KIRREL3: variants seen among roughly 807,000 people sequenced by gnomAD.
KIRREL3 encodes kirre like nephrin family adhesion molecule 3.
In KIRREL3, 36 loss-of-function variants were observed where a neutral mutation model predicts 89.7. That is an observed-to-expected ratio of 0.40 (90% CI 0.31 to 0.53). The LOEUF is 0.53. Among genes scored for constraint, KIRREL3 ranks in the 20% least tolerant of loss-of-function variants. KIRREL3 has a pLI of 0.49. For synonymous variants in KIRREL3, 445 were observed against 441.4 expected (o/e 1.01, Z -0.10); for missense variants, 864 against 1,056.6 (o/e 0.82, Z 2.53).
intron 1 of KIRREL3, among the ~76,000 whole-genome samples, chr11:126,855,289 G>A (rs1400409604): frequency 6.6e-6 from 1 of 152,212 alleles, no homozygotes; most frequent in Non-Finnish European, 1.5e-5. Flanking sequence ...TAGTAAGTGA[G>A]TTCTCAGGAG....
intron 1 of KIRREL3, among the ~76,000 whole-genome samples, chr11:126,586,771 T>G (rs1175243000): frequency 6.6e-6 from 1 of 152,072 alleles, no homozygotes; most frequent in African/African-American, 2.4e-5. Context: ...AGGCACTGGG[T>G]CAGGAGCTGG....
Position 126,706,941 on chromosome 11 carries a change from CTT to C in KIRREL3, c.56-144031_56-144030del, listed in dbSNP as rs574581679. Among the ~76,000 whole-genome samples, 26 of 136,418 alleles carry C rather than the reference CTT, an allele frequency of 1.9e-4. 1 individual carries two copies. Among genetic ancestry groups the C allele is most frequent in the African/African-American group, 3.8e-4 (14 of 37,278 alleles). 89.5% of individuals were successfully genotyped at this position (136,418 alleles called of 152,430 possible). On this transcript the variant is annotated intron_variant, in intron 1 of 16. Coordinates refer to ENST00000525144, the MANE Select transcript of KIRREL3 (RefSeq NM_032531.4). ...TTTTTTTCCACAGATTGTTTTTTGA[CTT>C]TTTTTTTTTTTTTAAGAGATGGGGT... is the stretch of plus-strand genomic sequence containing the variant.
intron 6 of KIRREL3, among the ~76,000 whole-genome samples, chr11:126,461,125 C>T (rs1358888842): frequency 2.6e-5 from 4 of 152,246 alleles, no homozygotes; most frequent in Admixed American, 2.6e-4. Context: ...CCAAATCAGA[C>T]AAGGAACCAG....
At position 126,527,394 on chromosome 11, in the gene KIRREL3, G is replaced by A. The variant is rs1037803688; in HGVS notation, c.134-707C>T. The stretch of plus-strand genomic sequence containing the variant: ...TCAAAACGAGATGGCCAGAATCATC[G>A]AAGAGAGTCAGTTGACATTATTTTA... On this transcript the variant is annotated intron_variant, in intron 2 of 16. Coordinates refer to ENST00000525144, the MANE Select transcript of KIRREL3 (RefSeq NM_032531.4). This position sits in a 1 kb window ranked among gnomAD's most constrained non-coding sequence, Gnocchi z 4.2. 7.2e-5 allele frequency among the ~76,000 whole-genome samples: 11 copies of A among 152,254 alleles called. No individual in the cohort carries two copies. Among genetic ancestry groups the A allele is most frequent in the African/African-American group, 2.2e-4 (9 of 41,542 alleles).
At chr11:126,894,159 C>T (rs982874744) in intron 1 of KIRREL3, among the ~76,000 whole-genome samples, 16 of 152,202 alleles carry the variant, frequency 1.1e-4, no homozygotes, top group Non-Finnish European at 2.2e-4. Flanking sequence ...CTCAGACTTC[C>T]TGCCTTCCTC....
At chr11:126,446,959 T>A in intron 8 of KIRREL3, 73 bp from the exon 9 acceptor site, 1 of 1,535,718 alleles carries the variant, frequency 6.5e-7, no homozygotes. Flanking sequence ...TGCTGCCTCC[T>A]TTTCCCCCTA....
intron 4 of KIRREL3, among the ~76,000 whole-genome samples, chr11:126,505,031 C>T (rs888193358): frequency 6.6e-6 from 1 of 152,300 alleles, no homozygotes; most frequent in East Asian, 1.9e-4. Flanking sequence ...ACCAGTGAAA[C>T]ATTTTCTGCT....
rs548226016 is a variant in KIRREL3, at chr11:126,572,829, A to C, written c.56-9917T>G. Among the ~76,000 whole-genome samples, 5 of 152,320 alleles carry C rather than the reference A, an allele frequency of 3.3e-5. No homozygotes were observed. The East Asian group carries it at 9.7e-4, about 29-fold the overall frequency. Reference sequence around the variant, plus strand: ...TTGTCACCTATTTATGGCCCACATAAAACTCTGATCACTGAGGATTAACTG... The same window carrying C: ...TTGTCACCTATTTATGGCCCACATACAACTCTGATCACTGAGGATTAACTG... On this transcript the variant is annotated intron_variant, in intron 1 of 16. Coordinates refer to ENST00000525144, the MANE Select transcript of KIRREL3 (RefSeq NM_032531.4).
Position 126,516,913 on chromosome 11 carries a change from C to G in KIRREL3, c.433+4402G>C, listed in dbSNP as rs138162070. ...TTCGAGACCAGCCTGGGCAGCATGG[C>G]TAAAAATACAAAAATTAGCCAGGCG... On this transcript the variant is annotated intron_variant, in intron 4 of 16. Transcript: ENST00000525144. This position sits in a 1 kb window ranked among gnomAD's most constrained non-coding sequence, Gnocchi z 4.9. 1.5e-3 allele frequency among the ~76,000 whole-genome samples: 224 copies of G among 152,138 alleles called. No homozygotes were observed. Among genetic ancestry groups the G allele is most frequent in the African/African-American group, 5.2e-3 (216 of 41,498 alleles).
chr11:126,510,361 T>G (rs1257927023), intron 4 of KIRREL3, among the ~76,000 whole-genome samples: 1 of 152,190 alleles, frequency 6.6e-6, no homozygotes, highest in Non-Finnish European at 1.5e-5. Flanking sequence ...GGAAGCTTAC[T>G]ACTTAACTGA....
Position 126,780,793 on chromosome 11 carries a change from T to C in KIRREL3, c.56-217881A>G, listed in dbSNP as rs1950304425. Among the ~76,000 whole-genome samples, 1 of 152,216 alleles carries C rather than the reference T, an allele frequency of 6.6e-6. No homozygotes were observed. Among genetic ancestry groups the C allele is most frequent in the African/African-American group, 2.4e-5 (1 of 41,464 alleles). Reference sequence around the variant, plus strand: ...TTTACATGAAATCAACAAACATATATGGAGCTTTAAATATGCATCAAAAAC... The same window carrying C: ...TTTACATGAAATCAACAAACATATACGGAGCTTTAAATATGCATCAAAAAC... On this transcript the variant is annotated intron_variant, in intron 1 of 16. Coordinates refer to ENST00000525144, the MANE Select transcript of KIRREL3 (RefSeq NM_032531.4). This position sits in a 1 kb window ranked among gnomAD's most constrained non-coding sequence, Gnocchi z 5.3.
At chr11:127,002,615 C>T (rs1950334073), upstream of KIRREL3, among the ~76,000 whole-genome samples, 1 of 152,166 alleles carries the variant, frequency 6.6e-6, no homozygotes, top group African/African-American at 2.4e-5. Context: ...TGCATTAAGC[C>T]TATGGGGTTG....
At chr11:126,533,290 G>C (rs1958999061) in intron 2 of KIRREL3, among the ~76,000 whole-genome samples, 1 of 152,212 alleles carries the variant, frequency 6.6e-6, no homozygotes, top group Non-Finnish European at 1.5e-5. Flanking sequence ...TGGTTCCAGA[G>C]CAGCCTCTTT....
intron 1 of KIRREL3, among the ~76,000 whole-genome samples, chr11:126,735,915 T>A (rs1948784554): frequency 6.6e-6 from 1 of 152,066 alleles, no homozygotes; most frequent in Non-Finnish European, 1.5e-5. Context: ...AAAATAAACA[T>A]CCCAGTATTT....
rs1327961657 is a variant in KIRREL3 at position 126,608,264 on chromosome 11, CA to C, written c.56-45353del. On this transcript the variant is annotated intron_variant, in intron 1 of 16. Transcript: ENST00000525144. The surrounding 1 kb of genome is among the most constrained non-coding windows in gnomAD (Gnocchi z 4.9). The stretch of plus-strand genomic sequence containing the variant: ...AAGCCCCCGCTGGGAGCCTCCTATC[CA>C]CCTGGCAGGCGTTTGGAACAACGTG... Among the ~76,000 whole-genome samples the C allele has an allele frequency of 6.6e-6, 1 of 152,192 alleles. No individual in the cohort carries two copies. The highest frequency in any genetic ancestry group is 2.4e-5 in the African/African-American group (1 of 41,452).
intron 1 of KIRREL3, among the ~76,000 whole-genome samples, chr11:126,884,960 T>C (rs766086376): frequency 3.3e-5 from 5 of 152,122 alleles, no homozygotes; most frequent in African/African-American, 4.8e-5. Context: ...GAAAACTTAA[T>C]GTTGAGTGAA....
At chr11:126,972,168 T>TAGAGAGAGGGAGAGAGAGAGAG (rs1949440683) in intron 1 of KIRREL3, among the ~76,000 whole-genome samples, 1 of 119,842 alleles carries the variant, frequency 8.3e-6, no homozygotes, top group African/African-American at 2.9e-5. Flanking sequence ...GAGGGTCTGG[T>TAGAGAGAGGGAGAGAGAGAGAG]AGAGAGAGAG....
At position 126,774,536 on chromosome 11, in the gene KIRREL3, C is replaced by A. The variant is rs1950114810; in HGVS notation, c.56-211624G>T. ...ACCCAGGACAGTGTGCATGCCTTCACCCAGGCCTGGAGCAGCTTGAGCGTG... is the reference window on the plus strand; with the variant it reads ...ACCCAGGACAGTGTGCATGCCTTCAACCAGGCCTGGAGCAGCTTGAGCGTG... On this transcript the variant is annotated intron_variant, in intron 1 of 16. Coordinates refer to ENST00000525144, the MANE Select transcript of KIRREL3 (RefSeq NM_032531.4). Among the ~76,000 whole-genome samples, 3 of 152,218 alleles carry A rather than the reference C, an allele frequency of 2.0e-5. No individual in the cohort carries two copies. In the South Asian group the frequency reaches 6.2e-4, roughly 32 times the overall value.
intron 1 of KIRREL3, among the ~76,000 whole-genome samples, chr11:126,753,479 A>C (rs1489847526): frequency 6.6e-6 from 1 of 152,240 alleles, no homozygotes; most frequent in African/African-American, 2.4e-5. Flanking sequence ...TTTGGATTGC[A>C]TGGTGATTTT....
Sources: gnomAD v4.1 joint callset for allele counts (sites outside exome capture counted in the v4.1 genomes callset) on GRCh38, gnomAD v4.1.1 for gene constraint, Gnocchi (gnomAD v3.1) non-coding constraint, MANE v1.5 for transcripts, NCBI Gene and HGNC (gene_info 2026-07-23, HGNC 2026-07-21) for gene names.